PTPRN2: variants seen among roughly 807,000 people sequenced by gnomAD.
The protein encoded by PTPRN2 is protein tyrosine phosphatase receptor type N2.
PTPRN2 carries 74 observed loss-of-function variants against 118.8 expected under a neutral mutation model. The ratio of observed to expected loss-of-function variants is 0.62; its 90% CI spans 0.52 to 0.76. The LOEUF is 0.76. PTPRN2 is among the 30% of genes least tolerant of loss of function. The pLI is 0.00. For missense variants in PTPRN2, 1,481 were observed against 1,394.4 expected, an observed-to-expected ratio of 1.06 and a Z score of -0.99; for synonymous variants, 641 against 608.0, an observed-to-expected ratio of 1.05 and a Z score of -0.80.
chr7:158,125,818 A>T (rs1283906953), intron 9 of PTPRN2, among the ~76,000 whole-genome samples: 1 of 152,172 alleles, frequency 6.6e-6, no homozygotes, highest in Non-Finnish European at 1.5e-5. Flanking sequence ...CATCTTCAGC[A>T]TCCTCAGGGT....
chr7:158,043,944 G>A (rs529159985), intron 11 of PTPRN2, among the ~76,000 whole-genome samples: 10 of 152,334 alleles, frequency 6.6e-5, no homozygotes, highest in African/African-American at 2.2e-4. Flanking sequence ...CCTAACGTAC[G>A]CTGACCACGT....
At chr7:157,872,496 C>T (rs1319864211) in intron 12 of PTPRN2, among the ~76,000 whole-genome samples, 2 of 151,944 alleles carry the variant, frequency 1.3e-5, no homozygotes, top group Non-Finnish European at 2.9e-5. Context: ...TATCCAGTGT[C>T]CTCCCCACAC....
chr7:157,759,675 G>C (rs1638756), intron 12 of PTPRN2, among the ~76,000 whole-genome samples: 31,004 of 152,186 alleles, frequency 0.2, 4,611 homozygotes, highest in African/African-American at 0.39. Flanking sequence ...CAATGATGTT[G>C]GTGTTCAGAT....
chr7:158,168,568 CA>C (rs2150598740), intron 5 of PTPRN2, among the ~76,000 whole-genome samples: 1 of 152,346 alleles, frequency 6.6e-6, no homozygotes, highest in Non-Finnish European at 1.5e-5. Flanking sequence ...GTCTTCACTC[CA>C]ACTTCTTTAC....
intron 12 of PTPRN2, among the ~76,000 whole-genome samples, chr7:157,684,064 T>A (rs1463267624): frequency 6.6e-6 from 1 of 152,042 alleles, no homozygotes; most frequent in Admixed American, 6.5e-5. Flanking sequence ...TTTCCTCCCG[T>A]CTCCCAGCGT....
chr7:158,062,109 C>T (rs1440953761), intron 11 of PTPRN2, among the ~76,000 whole-genome samples: 5 of 152,256 alleles, frequency 3.3e-5, no homozygotes, highest in African/African-American at 9.6e-5. Flanking sequence ...CTCAGTAAAG[C>T]GACGGGCGAC....
At chr7:158,117,543 T>C (rs1433480189) in intron 9 of PTPRN2, among the ~76,000 whole-genome samples, 1 of 152,130 alleles carries the variant, frequency 6.6e-6, no homozygotes, top group African/African-American at 2.4e-5. Context: ...CCAAGTTTGA[T>C]GAAAGACATG....
At chr7:158,329,689 G>C (rs1803980830) in intron 2 of PTPRN2, among the ~76,000 whole-genome samples, 1 of 152,178 alleles carries the variant, frequency 6.6e-6, no homozygotes. Flanking sequence ...CATGGACTAA[G>C]ACACTGCGTA....
At chr7:157,890,922 C>T (rs1296899721) in intron 12 of PTPRN2, among the ~76,000 whole-genome samples, 4 of 152,222 alleles carry the variant, frequency 2.6e-5, no homozygotes, top group African/African-American at 9.6e-5. Context: ...GACAAAGGCA[C>T]GGTCCTGCTG....
At chr7:158,465,939 G>A (rs1819351770) in intron 2 of PTPRN2, among the ~76,000 whole-genome samples, 1 of 152,176 alleles carries the variant, frequency 6.6e-6, no homozygotes, top group Non-Finnish European at 1.5e-5. Context: ...ATACTTTCAG[G>A]CCTTGAACCC....
At chr7:157,577,662 C>T (rs917103632) in intron 18 of PTPRN2, among the ~76,000 whole-genome samples, 1 of 152,196 alleles carries the variant, frequency 6.6e-6, no homozygotes, top group Non-Finnish European at 1.5e-5. Context: ...ACCGGGACCA[C>T]GCTGTGAGGC....
chr7:158,511,785 G>C (rs2335162), intron 1 of PTPRN2, among the ~76,000 whole-genome samples: 28,453 of 152,212 alleles, frequency 0.19, 3,142 homozygotes, highest in East Asian at 0.39. Context: ...GAAAGAGCCA[G>C]GGTTCCCACA....
chr7:157,591,619 G>A lies in PTPRN2; in HGVS notation c.2496+3619C>T, dbSNP rs928979524. Among the ~76,000 whole-genome samples the A allele has an allele frequency of 9.2e-5, 14 of 152,206 alleles. No individual in the cohort carries two copies. The highest frequency in any genetic ancestry group is 3.4e-4 in the African/African-American group (14 of 41,446). ...GCCTGCGTTCTGCTAAGCCAGAGAG[G>A]GCAAAGAGAACCCTAACTTTGAATT... On this transcript the variant is annotated intron_variant, in intron 17 of 22. Coordinates refer to ENST00000389418, the MANE Select transcript of PTPRN2 (RefSeq NM_002847.5). This position sits in a 1 kb window ranked among gnomAD's most constrained non-coding sequence, Gnocchi z 4.4.
At position 157,597,484 on chromosome 7, in the gene PTPRN2, G is replaced by T. The variant is rs1428197200; in HGVS notation, c.2419-2169C>A. Among the ~76,000 whole-genome samples the T allele has an allele frequency of 2.8e-4, 41 of 145,724 alleles. 1 individual carries two copies. In the Middle Eastern group the frequency reaches 0.015, roughly 52 times the overall value. On this transcript the variant is annotated intron_variant, in intron 16 of 22. Coordinates refer to ENST00000389418, the MANE Select transcript of PTPRN2 (RefSeq NM_002847.5). ...CTCCTTCTGAAATGTGTGTGTGTGT[G>T]TTTTTTTTTTTGCCCAGAGCAATTT...
At chr7:157,804,113 G>A (rs1337281206) in intron 12 of PTPRN2, among the ~76,000 whole-genome samples, 1 of 152,134 alleles carries the variant, frequency 6.6e-6, no homozygotes, top group Non-Finnish European at 1.5e-5. Context: ...GCACAGTAAG[G>A]GATTCCTTAA....
rs1415320730 is a variant in PTPRN2, at chr7:158,417,798, G to A, written c.163+71937C>T. Among the ~76,000 whole-genome samples the A allele has an allele frequency of 2.3e-5, 3 of 132,502 alleles. 1 individual carries two copies. The highest frequency in any genetic ancestry group is 2.6e-4 in the South Asian group (1 of 3,904). 86.9% of individuals were successfully genotyped at this position (132,502 alleles called of 152,430 possible). A position where few individuals can be genotyped will look rare whatever the true frequency, so the allele number is the denominator to read the frequency against. ...GTGTTAAGTCACGGTGTACTACATC[G>A]AGATGCTCTAGCTTTCAGTGTCCCG... On this transcript the variant is annotated intron_variant, in intron 2 of 22. Transcript: ENST00000389418.
At chr7:157,796,411 C>A (rs959635374) in intron 12 of PTPRN2, among the ~76,000 whole-genome samples, 1 of 152,240 alleles carries the variant, frequency 6.6e-6, no homozygotes, top group Non-Finnish European at 1.5e-5. Context: ...AGCTCTGCTG[C>A]CCCTGCGGGG....
In PTPRN2 at chr7:158,351,766, G is replaced by T. The variant is rs541148401; in HGVS notation, c.164-34834C>A. 9.9e-5 allele frequency among the ~76,000 whole-genome samples: 15 copies of T among 152,064 alleles called. 1 individual carries two copies. The highest frequency in any genetic ancestry group is 2.6e-4 in the Admixed American group (4 of 15,278). ...AGTGACAGATATCATTTTCATTCAG[G>T]GGGGCTTGAACTCTGGCCATCAGAA... On this transcript the variant is annotated intron_variant, in intron 2 of 22. Coordinates refer to ENST00000389418, the MANE Select transcript of PTPRN2 (RefSeq NM_002847.5).
At position 158,517,311 on chromosome 7, in the gene PTPRN2, G is replaced by A. The variant is rs967779985; in HGVS notation, c.113-27526C>T. 2.6e-5 allele frequency among the ~76,000 whole-genome samples: 4 copies of A among 152,158 alleles called. No individual in the cohort carries two copies. Among genetic ancestry groups the A allele is most frequent in the Non-Finnish European group, 4.4e-5 (3 of 68,022 alleles). Reference sequence around the variant, plus strand: ...TTGGAGGAGGCAGAGTGCGGGCAGCGCCCCCTCACAGAACCGCAGCAACGA... The same window carrying A: ...TTGGAGGAGGCAGAGTGCGGGCAGCACCCCCTCACAGAACCGCAGCAACGA... On this transcript the variant is annotated intron_variant, in intron 1 of 22. Transcript: ENST00000389418. This position sits in a 1 kb window ranked among gnomAD's most constrained non-coding sequence, Gnocchi z 5.3.
Sources: allele counts gnomAD v4.1 joint callset (sites outside exome capture counted in the v4.1 genomes callset), GRCh38; gene constraint gnomAD v4.1.1; non-coding constraint Gnocchi (gnomAD v3.1); transcripts MANE v1.5; gene names NCBI Gene and HGNC (gene_info 2026-07-23, HGNC 2026-07-21).